The following AFAP1L2 variants were observed in gnomAD, a reference collection of about 807,000 sequenced individuals.
The protein encoded by AFAP1L2 is actin filament associated protein 1 like 2, also known as actin filament-associated protein 1-like 2.
AFAP1L2 carries 46 observed loss-of-function variants against 99.3 expected under a neutral mutation model. That is an observed-to-expected ratio of 0.46 (90% confidence interval 0.37 to 0.59). The LOEUF (loss-of-function observed/expected upper bound fraction) is 0.59. Ranked by LOEUF, AFAP1L2 falls within the 20% of genes least tolerant of loss-of-function variation. The pLI is 0.00. For missense variants in AFAP1L2, 959 were observed against 1,034.9 expected (o/e 0.93, Z 1.01); for synonymous variants, 397 against 419.1 (o/e 0.95, Z 0.64).
intron 5 of AFAP1L2, among the ~76,000 whole-genome samples, chr10:114,318,457 G>T (rs1484681232): frequency 6.6e-6 from 1 of 152,082 alleles, no homozygotes; most frequent in African/African-American, 2.4e-5. Context: ...AAAAAAAAGA[G>T]GCTGGGCATG....
intron 1 of AFAP1L2, among the ~76,000 whole-genome samples, chr10:114,362,441 G>C (rs2052571738): frequency 6.6e-6 from 1 of 152,176 alleles, no homozygotes; most frequent in African/African-American, 2.4e-5. Context: ...GGAGATCCAA[G>C]ACACAGAGAA....
intron 1 of AFAP1L2, among the ~76,000 whole-genome samples, chr10:114,401,338 G>A (rs982896424): frequency 1.3e-5 from 2 of 152,198 alleles, no homozygotes; most frequent in Non-Finnish European, 2.9e-5. Flanking sequence ...CCAGCTGGGA[G>A]AGCAGTCAGA....
chr10:114,327,299 C>A (rs774112525), intron 4 of AFAP1L2, among the ~76,000 whole-genome samples: 39 of 150,116 alleles, frequency 2.6e-4, no homozygotes, highest in Admixed American at 6.7e-4. Context: ...CGAGTAGCTG[C>A]GTACCACCAC....
chr10:114,372,926 C>T (rs917864415), intron 1 of AFAP1L2, among the ~76,000 whole-genome samples: 3 of 152,226 alleles, frequency 2.0e-5, no homozygotes, highest in Non-Finnish European at 4.4e-5. Context: ...TGCTAATGTG[C>T]CTTGGAGGCA....
rs1423013184 is a variant in AFAP1L2 at position 114,295,169 on chromosome 10, A to T, written c.*873T>A. On this transcript the variant is annotated 3_prime_UTR_variant, in exon 19 of 19. Coordinates refer to ENST00000304129, the MANE Select transcript of AFAP1L2 (RefSeq NM_001001936.3). ...CATTAAACAGAACTTAAAATCAGAG[A>T]CTATTTATATTAAATAACTCTTCCC... is the stretch of plus-strand genomic sequence containing the variant. The T allele has an allele frequency of 1.0e-6, 1 of 985,570 alleles. No individual in the cohort carries two copies. The highest frequency in any genetic ancestry group is 1.2e-6 in the Non-Finnish European group (1 of 829,786). The allele number at this position is 985,570 out of a possible 1,614,324, so 61.1% of individuals were successfully genotyped here. A position where few individuals can be genotyped will look rare whatever the true frequency, so the allele number is the denominator to read the frequency against.
chr10:114,294,896 T>G lies in AFAP1L2; in HGVS notation c.*1146A>C. On this transcript the variant is annotated 3_prime_UTR_variant, in exon 19 of 19. Transcript: ENST00000304129. ...ACTTGGTAAAAGGTCACCAAATGTT[T>G]ATGAGAGAGGAAATAAGAATAAAAA... The G allele has an allele frequency of 1.0e-6, 1 of 982,116 alleles. No individual in the cohort carries two copies. The highest frequency in any genetic ancestry group is 1.2e-6 in the Non-Finnish European group (1 of 827,424). 60.8% of individuals were successfully genotyped at this position (982,116 alleles called of 1,614,324 possible). A position where few individuals can be genotyped will look rare whatever the true frequency, so the allele number is the denominator to read the frequency against.
At chr10:114,386,331 G>A (rs1194823084) in intron 1 of AFAP1L2, among the ~76,000 whole-genome samples, 5 of 152,150 alleles carry the variant, frequency 3.3e-5, no homozygotes, top group Non-Finnish European at 2.9e-5. Flanking sequence ...AGCCCAGGAT[G>A]TCAAGGCTGC....
intron 15 of AFAP1L2, 142 bp downstream of exon 15, chr10:114,300,052 G>T: frequency 8.3e-7 from 1 of 1,203,952 alleles, no homozygotes; most frequent in Admixed American, 2.3e-5. Context: ...GGCCTATCGT[G>T]GGACTTGACC....
intron 5 of AFAP1L2, among the ~76,000 whole-genome samples, chr10:114,318,854 C>T (rs7082631): frequency 0.73 from 110,452 of 151,830 alleles, 41,887 homozygotes; most frequent in East Asian, 0.93. Flanking sequence ...CAGCACACCA[C>T]AAACATTGCA....
At chr10:114,382,975 A>G (rs190952542) in intron 1 of AFAP1L2, among the ~76,000 whole-genome samples, 1 of 152,324 alleles carries the variant, frequency 6.6e-6, no homozygotes, top group East Asian at 1.9e-4. Flanking sequence ...ACTTCAGGTG[A>G]TGGATACCCC....
chr10:114,393,833 C>T (rs139347685), intron 1 of AFAP1L2, among the ~76,000 whole-genome samples: 72 of 152,314 alleles, frequency 4.7e-4, no homozygotes, highest in African/African-American at 1.4e-3. Flanking sequence ...GGCGCTTGCC[C>T]GCTGAGAAGC....
chr10:114,284,407 T>C, the AFAP1L2 span, among the ~76,000 whole-genome samples: 14 of 152,176 alleles, frequency 9.2e-5, no homozygotes. Flanking sequence ...CCGGAGGAAG[T>C]GGAAGAGGCC....
chr10:114,318,748 G>GAAAGAAAAAAAGAA lies in AFAP1L2; in HGVS notation c.407-2984_407-2983insTTCTTTTTTTCTTT, dbSNP rs2044571973. On this transcript the variant is annotated intron_variant, in intron 5 of 18. Transcript: ENST00000304129. Reference sequence around the variant, plus strand: ...AGGGTGAGACTCTGTCTAAAAAAAAGAAAAAAAAAAGAACAACAAATCATA... The same window carrying GAAAGAAAAAAAGAA: ...AGGGTGAGACTCTGTCTAAAAAAAAGAAAGAAAAAAAGAAAAAAAAAAAAGAACAACAAATCATA... 5.0e-5 allele frequency among the ~76,000 whole-genome samples: 6 copies of GAAAGAAAAAAAGAA among 118,890 alleles called. 1 individual carries two copies. Among genetic ancestry groups the GAAAGAAAAAAAGAA allele is most frequent in the Admixed American group, 9.2e-5 (1 of 10,896 alleles). 78.0% of individuals were successfully genotyped at this position (118,890 alleles called of 152,430 possible).
chr10:114,285,770 T>C, the AFAP1L2 span, among the ~76,000 whole-genome samples: 3 of 152,218 alleles, frequency 2.0e-5, no homozygotes, highest in Non-Finnish European at 2.9e-5. Context: ...AGGAGTGCCA[T>C]GTCTGGCCTT....
chr10:114,294,761 A>G, downstream of AFAP1L2: 1 of 923,394 alleles, frequency 1.1e-6, no homozygotes, highest in Non-Finnish European at 1.3e-6. Context: ...AATAACCAAA[A>G]CATTTCCTCC....
chr10:114,390,714 C>G, intron 1 of AFAP1L2, among the ~76,000 whole-genome samples: 1 of 83,554 alleles, frequency 1.2e-5, no homozygotes, highest in Middle Eastern at 4.4e-3. Flanking sequence ...GGGCGAGACT[C>G]TGTCTCAAAA....
chr10:114,319,390 TG>T (rs1281131425), intron 5 of AFAP1L2, among the ~76,000 whole-genome samples: 3 of 114,054 alleles, frequency 2.6e-5, no homozygotes, highest in Admixed American at 8.9e-5. Flanking sequence ...GTGGGGGCTG[TG>T]GAAAGCCAAG....
chr10:114,361,164 C>G (rs2052352247), intron 1 of AFAP1L2, among the ~76,000 whole-genome samples: 1 of 152,100 alleles, frequency 6.6e-6, no homozygotes, highest in Non-Finnish European at 1.5e-5. Context: ...GGGGAAAGAC[C>G]TGCCCTCATG....
intron 1 of AFAP1L2, among the ~76,000 whole-genome samples, chr10:114,360,542 T>TAGATA (rs2052204577): frequency 6.7e-6 from 1 of 148,614 alleles, no homozygotes; most frequent in Non-Finnish European, 1.5e-5. Flanking sequence ...GATAGATAGA[T>TAGATA]AGATAGATAG....
Sources: allele counts gnomAD v4.1 joint callset (sites outside exome capture counted in the v4.1 genomes callset), GRCh38; gene constraint gnomAD v4.1.1; transcripts MANE v1.5; gene names NCBI Gene and HGNC (gene_info 2026-07-23, HGNC 2026-07-21).